Variants in TYW1B observed in about 807,000 individuals in gnomAD.
TYW1B encodes S-adenosyl-L-methionine-dependent tRNA 4-demethylwyosine synthase TYW1B.
TYW1B carries 73 observed loss-of-function variants against 86.9 expected under a neutral mutation model. The ratio of observed to expected loss-of-function variants is 0.84; its 90% CI spans 0.70 to 1.02. The LOEUF (loss-of-function observed/expected upper bound fraction) is 1.02. Among genes scored for constraint, TYW1B ranks in the 50% least tolerant of loss-of-function variants. The pLI, the probability that TYW1B is intolerant of heterozygous loss-of-function variation, is 0.00. For missense variants in TYW1B, 637 were observed against 827.4 expected (o/e 0.77, Z 2.82); for synonymous variants, 248 against 292.8 (o/e 0.85, Z 1.56).
rs2129570907 is a variant in TYW1B, at chr7:72,722,864, G to A, written c.1192+5958C>T. ...CAAAGGACTCTCCAAGCCAGAGTGA[G>A]GTAAATAATTAATGAGCATTCCTGT... is the stretch of plus-strand genomic sequence containing the variant. On this transcript the variant is annotated intron_variant, in intron 9 of 13. Coordinates refer to ENST00000620995, the MANE Select transcript of TYW1B (RefSeq NM_001145440.3). 6 of 622,808 alleles carry A rather than the reference G, an allele frequency of 9.6e-6. No homozygotes were observed. In the South Asian group the frequency reaches 1.0e-4, roughly 10 times the overall value. 38.6% of individuals were successfully genotyped at this position (622,808 alleles called of 1,614,324 possible).
At chr7:72,650,438 G>A (rs1418675947) in intron 11 of TYW1B, among the ~76,000 whole-genome samples, 2 of 152,066 alleles carry the variant, frequency 1.3e-5, no homozygotes, top group Non-Finnish European at 2.9e-5. Context: ...AGGAAGATGA[G>A]CCCAGAAAGA....
intron 2 of TYW1B, among the ~76,000 whole-genome samples, chr7:72,818,578 CAAAAAAAAA>C (rs57325230): frequency 2.6e-5 from 1 of 38,432 alleles, no homozygotes. Context: ...GACTCCATCT[CAAAAAAAAA>C]AAAAAAAAAA....
At chr7:72,575,817 C>T in intron 13 of TYW1B, 98 bp from the exon 14 acceptor site, 1 of 1,524,234 alleles carries the variant, frequency 6.6e-7, no homozygotes, top group Non-Finnish European at 8.8e-7. Context: ...ATCTTTTCTC[C>T]CTATCACGCC....
chr7:72,774,193 G>C (rs1360329380), intron 7 of TYW1B, among the ~76,000 whole-genome samples: 1 of 151,918 alleles, frequency 6.6e-6, no homozygotes, highest in African/African-American at 2.4e-5. Flanking sequence ...AATTGTACCT[G>C]TTTCTGCCAG....
chr7:72,728,337 G>A lies in TYW1B; in HGVS notation c.1192+485C>T, dbSNP rs534893456. Reference sequence around the variant, plus strand: ...TTATTTATTTCTGAGATGGAGTTTCGCTCTTTTTGCCCAGGTTGGAGTGGA... The same window carrying A: ...TTATTTATTTCTGAGATGGAGTTTCACTCTTTTTGCCCAGGTTGGAGTGGA... On this transcript the variant is annotated intron_variant, in intron 9 of 13. Transcript: ENST00000620995. Among the ~76,000 whole-genome samples, 82 of 152,158 alleles carry A rather than the reference G, an allele frequency of 5.4e-4. 1 individual carries two copies. The highest frequency in any genetic ancestry group is 7.5e-4 in the African/African-American group (31 of 41,504).
At chr7:72,646,314 G>C (rs1812929841) in intron 11 of TYW1B, among the ~76,000 whole-genome samples, 1 of 151,986 alleles carries the variant, frequency 6.6e-6, no homozygotes, top group African/African-American at 2.4e-5. Flanking sequence ...CGCACACCTT[G>C]GCCTCCCAAA....
intron 13 of TYW1B, among the ~76,000 whole-genome samples, chr7:72,584,052 T>C (rs1554430055): frequency 6.6e-6 from 1 of 152,184 alleles, no homozygotes; most frequent in Non-Finnish European, 1.5e-5. Context: ...GCTTTTTGTT[T>C]TGTTTTGTTT....
chr7:72,633,498 C>A (rs1220915937), intron 11 of TYW1B, among the ~76,000 whole-genome samples: 1 of 152,224 alleles, frequency 6.6e-6, no homozygotes, highest in African/African-American at 2.4e-5. Flanking sequence ...GAAATGTACA[C>A]AAAACATGAA....
At chr7:72,679,124 CAACT>C (rs1436777720) in intron 11 of TYW1B, among the ~76,000 whole-genome samples, 2 of 152,074 alleles carry the variant, frequency 1.3e-5, no homozygotes, top group African/African-American at 4.8e-5. Context: ...ATAGAATCAA[CAACT>C]AACAAGACCA....
intron 6 of TYW1B, among the ~76,000 whole-genome samples, chr7:72,799,505 A>G (rs1285544490): frequency 3.4e-5 from 5 of 147,840 alleles, no homozygotes; most frequent in African/African-American, 1.3e-4. Context: ...TCGCTCTGTC[A>G]CCCAGGCTGG....
intron 11 of TYW1B, among the ~76,000 whole-genome samples, chr7:72,646,118 C>CTAG (rs1406664604): frequency 1.3e-5 from 2 of 151,136 alleles, no homozygotes; most frequent in East Asian, 3.9e-4. Flanking sequence ...ACAATCATAG[C>CTAG]TCACTGTACC....
intron 13 of TYW1B, among the ~76,000 whole-genome samples, chr7:72,591,041 T>C (rs1811384040): frequency 6.6e-6 from 1 of 151,552 alleles, no homozygotes; most frequent in South Asian, 2.1e-4. Flanking sequence ...AAAAGTATAA[T>C]AACTGAAATG....
rs565436769 is a variant in TYW1B, at chr7:72,678,256, ACAAT to A, written c.1506+16427_1506+16430del. ...GGTGCTGATGCTGCTATGGAAAAAA[ACAAT>A]CAAAGAGGGATGGGCAGTGCTGCTG... On this transcript the variant is annotated intron_variant, in intron 11 of 13. Transcript: ENST00000620995. Among the ~76,000 whole-genome samples the A allele has an allele frequency of 1.4e-3, 218 of 152,260 alleles. 2 individuals are homozygous for A. The highest frequency in any genetic ancestry group is 3.4e-3 in the African/African-American group (142 of 41,576).
intron 11 of TYW1B, among the ~76,000 whole-genome samples, chr7:72,662,418 TATATATATATAGATAGATAGATAG>T (rs1190450818): frequency 0.14 from 6,852 of 49,330 alleles, 219 homozygotes; most frequent in Admixed American, 0.19. Context: ...AGGTTTTTAA[TATATATATATAGATAGATAGATAG>T]ATAGATAGAT....
In TYW1B at chr7:72,698,752, T is replaced by C. The variant is rs552591012; in HGVS notation, c.1371-3930A>G. 1.2e-4 allele frequency among the ~76,000 whole-genome samples: 19 copies of C among 152,224 alleles called. No homozygotes were observed. In the South Asian group the frequency reaches 3.5e-3, roughly 28 times the overall value. On this transcript the variant is annotated intron_variant, in intron 10 of 13. Transcript: ENST00000620995. ...CCTTTCTCCTAACCCTGCACCATGA[T>C]GGCAAAATCCACAGTGTGGCTCAGT...
At chr7:72,656,571 G>A (rs868956863) in intron 11 of TYW1B, among the ~76,000 whole-genome samples, 34 of 151,652 alleles carry the variant, frequency 2.2e-4, no homozygotes, top group Admixed American at 5.9e-4. Flanking sequence ...TCGAGATCGC[G>A]CCACTGCACT....
At chr7:72,792,066 A>C (rs1470459907) in intron 6 of TYW1B, among the ~76,000 whole-genome samples, 1 of 152,164 alleles carries the variant, frequency 6.6e-6, no homozygotes, top group Non-Finnish European at 1.5e-5. Flanking sequence ...GCAGTGGCTC[A>C]CGCTTGTAAT....
chr7:72,589,364 A>G (rs782189622), intron 13 of TYW1B, among the ~76,000 whole-genome samples: 3 of 152,230 alleles, frequency 2.0e-5, no homozygotes, highest in Non-Finnish European at 4.4e-5. Flanking sequence ...GGAAGGCAAT[A>G]GAGGAATATC....
intron 11 of TYW1B, among the ~76,000 whole-genome samples, chr7:72,629,832 A>T (rs1174583026): frequency 6.6e-6 from 1 of 152,218 alleles, no homozygotes. Context: ...ATAGGCGCAC[A>T]CCGAGCCAAG....
Sources: gnomAD v4.1 joint callset for allele counts (sites outside exome capture counted in the v4.1 genomes callset) on GRCh38, gnomAD v4.1.1 for gene constraint, MANE v1.5 for transcripts, NCBI Gene and HGNC (gene_info 2026-07-23, HGNC 2026-07-21) for gene names.